NRCAM: variants seen among roughly 807,000 people sequenced by gnomAD.
The protein encoded by NRCAM is neuronal cell adhesion molecule.
A neutral mutation model predicts 156.5 loss-of-function variants in NRCAM; 83 were observed. That is an observed-to-expected ratio of 0.53 (90% CI 0.44 to 0.64). NRCAM has a LOEUF of 0.64. Among genes scored for constraint, NRCAM ranks in the 30% least tolerant of loss-of-function variants. The probability of loss-of-function intolerance (pLI) is 0.00; values close to 1 mark genes in which losing one functional copy is unlikely to be tolerated. For missense variants in NRCAM, 1,417 were observed against 1,597.3 expected, an observed-to-expected ratio of 0.89 and a Z score of 1.92; for synonymous variants, 538 against 563.9, an observed-to-expected ratio of 0.95 and a Z score of 0.65.
chr7:108,153,700 A>G (rs188620566), intron 32 of NRCAM, among the ~76,000 whole-genome samples: 15 of 152,308 alleles, frequency 9.8e-5, no homozygotes, highest in African/African-American at 3.6e-4. Flanking sequence ...AGAAGAATCT[A>G]CAGGTAAATG....
chr7:108,398,192 A>T (rs1012082550), intron 2 of NRCAM, among the ~76,000 whole-genome samples: 30 of 152,130 alleles, frequency 2.0e-4, no homozygotes, highest in African/African-American at 7.2e-4. Context: ...TCCTTTCCCA[A>T]GAATAAATCT....
rs557536046 is a variant in NRCAM, at chr7:108,217,947, T to C, written c.890+5778A>G. Among the ~76,000 whole-genome samples the C allele has an allele frequency of 2.6e-5, 4 of 152,212 alleles. No homozygotes were observed. The East Asian group carries it at 7.7e-4, about 29-fold the overall frequency. On this transcript the variant is annotated intron_variant, in intron 11 of 32. Coordinates refer to ENST00000379028, the MANE Select transcript of NRCAM (RefSeq NM_001037132.4). ...GTGAATGGTTCTGTCTCACTGGCGT[T>C]CCAGGCACCACTGGGGTATGAAAAA...
At chr7:108,270,973 C>T (rs751557457) in intron 3 of NRCAM, among the ~76,000 whole-genome samples, 1 of 152,150 alleles carries the variant, frequency 6.6e-6, no homozygotes, top group Admixed American at 6.5e-5. Context: ...AAGGTGAATA[C>T]ACTTAATGCT....
intron 30 of NRCAM, among the ~76,000 whole-genome samples, chr7:108,166,123 T>C (rs551888612): frequency 6.6e-6 from 1 of 152,372 alleles, no homozygotes; most frequent in African/African-American, 2.4e-5. Context: ...ATGTAGCATA[T>C]GAATTGTACA....
At chr7:108,174,604 C>A (rs1246224624) in intron 28 of NRCAM, among the ~76,000 whole-genome samples, 1 of 152,238 alleles carries the variant, frequency 6.6e-6, no homozygotes, top group Non-Finnish European at 1.5e-5. Context: ...CTTATTCAAG[C>A]ACCATTCTCC....
intron 2 of NRCAM, among the ~76,000 whole-genome samples, chr7:108,392,565 C>G (rs1389709126): frequency 6.6e-6 from 1 of 152,214 alleles, no homozygotes; most frequent in Non-Finnish European, 1.5e-5. Flanking sequence ...GCCCTCTTCT[C>G]TCAACTCGTC....
At chr7:108,244,620 T>A (rs2095782552) in intron 3 of NRCAM, among the ~76,000 whole-genome samples, 1 of 152,162 alleles carries the variant, frequency 6.6e-6, no homozygotes, top group African/African-American at 2.4e-5. Flanking sequence ...CAATCATTAA[T>A]GCACCTCAGA....
chr7:108,294,357 C>T (rs968104805), intron 3 of NRCAM, among the ~76,000 whole-genome samples: 1 of 152,052 alleles, frequency 6.6e-6, no homozygotes, highest in South Asian at 2.1e-4. Flanking sequence ...ATCACCTCTT[C>T]TTCCTTTATG....
intron 3 of NRCAM, among the ~76,000 whole-genome samples, chr7:108,299,504 C>T (rs2098546800): frequency 1.3e-5 from 2 of 152,144 alleles, no homozygotes; most frequent in African/African-American, 4.8e-5. Flanking sequence ...AATGTAATAG[C>T]AGGCAAGCAT....
In NRCAM at chr7:108,212,820, A is replaced by G. The variant is rs117150198; in HGVS notation, c.891-3215T>C. On this transcript the variant is annotated intron_variant, in intron 11 of 32. Transcript: ENST00000379028. ...AGAGAAATCTAAAAGTTTGGAAAACACATTTGGAGGAATAATCGAGGAAAA... is the reference window on the plus strand; with the variant it reads ...AGAGAAATCTAAAAGTTTGGAAAACGCATTTGGAGGAATAATCGAGGAAAA... 4.8e-3 allele frequency among the ~76,000 whole-genome samples: 728 copies of G among 152,322 alleles called. 8 individuals carry two copies. Among genetic ancestry groups the G allele is most frequent in the East Asian group, 0.034 (178 of 5,182 alleles).
intron 2 of NRCAM, among the ~76,000 whole-genome samples, chr7:108,363,662 G>A (rs1468270357): frequency 2.0e-5 from 3 of 152,154 alleles, no homozygotes; most frequent in Non-Finnish European, 4.4e-5. Flanking sequence ...TACTACCTCA[G>A]CCAGGTGATC....
Position 108,191,788 on chromosome 7 carries a change from G to A in NRCAM, c.1844C>T (p.Thr615Met), listed in dbSNP as rs112465984. 18 of 1,613,852 alleles carry A rather than the reference G, an allele frequency of 1.1e-5. No homozygotes were observed. Among genetic ancestry groups the A allele is most frequent in the African/African-American group, 8.0e-5 (6 of 74,920 alleles). Residue 615 changes from threonine to methionine, a missense_variant, in exon 18 of 33, where the codon ACG (threonine) becomes ATG (methionine). Physicochemically the swap from Thr to Met is moderately conservative, Grantham distance 81. Coordinates refer to ENST00000379028, the MANE Select transcript of NRCAM (RefSeq NM_001037132.4). ...DVSDDDSGTY[T>M]CVANTTLDSV... ...GTCCAGAGTGGTGTTGGCCACACAC[G>A]TGTAGGTCCCGCTGTCATCGTCACT... is the stretch of plus-strand genomic sequence containing the variant.
rs183866005 is a variant in NRCAM, at chr7:108,294,346, G to A, written c.-107+18319C>T. On this transcript the variant is annotated intron_variant, in intron 3 of 32. Transcript: ENST00000379028. ...AAGGGCTAACTGCTTCGAATCTGGG[G>A]ATCACCTCTTCTTCCTTTATGTTCC... Among the ~76,000 whole-genome samples the A allele has an allele frequency of 9.2e-5, 14 of 151,836 alleles. No homozygotes were observed. In the East Asian group the frequency reaches 1.9e-3, roughly 21 times the overall value.
chr7:108,221,299 A>C (rs1316598917), intron 11 of NRCAM, among the ~76,000 whole-genome samples: 2 of 152,226 alleles, frequency 1.3e-5, no homozygotes, highest in East Asian at 3.9e-4. Flanking sequence ...GAGATTCCTT[A>C]AAGTACCAAA....
In NRCAM at chr7:108,391,802, A is replaced by T. The variant is rs866403372; in HGVS notation, c.-174+7634T>A. 9.8e-5 allele frequency among the ~76,000 whole-genome samples: 15 copies of T among 152,294 alleles called. No individual in the cohort carries two copies. In the South Asian group the frequency reaches 2.9e-3, roughly 29 times the overall value. ...CAAAATCTCTCAGCATTTGCTTGTCAGTAAAGGATTTTATTTCTCCTTCAC... is the reference window on the plus strand; with the variant it reads ...CAAAATCTCTCAGCATTTGCTTGTCTGTAAAGGATTTTATTTCTCCTTCAC... On this transcript the variant is annotated intron_variant, in intron 2 of 32. Transcript: ENST00000379028.
Position 108,300,160 on chromosome 7 carries a change from C to CA in NRCAM, c.-107+12504_-107+12505insT, listed in dbSNP as rs1180044415. On this transcript the variant is annotated intron_variant, in intron 3 of 32. Coordinates refer to ENST00000379028, the MANE Select transcript of NRCAM (RefSeq NM_001037132.4). ...TAATCCTTCCCCAAATTTCTGTTGA[C>CA]TTTTTTTTTTTTTTTTTTTTTTTTT... is the stretch of plus-strand genomic sequence containing the variant. Among the ~76,000 whole-genome samples, 4 of 65,858 alleles carry CA rather than the reference C, an allele frequency of 6.1e-5. No individual in the cohort carries two copies. The East Asian group carries it at 1.8e-3, about 29-fold the overall frequency. The allele number at this position is 65,858 out of a possible 152,430, so 43.2% of individuals were successfully genotyped here.
intron 1 of NRCAM, among the ~76,000 whole-genome samples, chr7:108,423,066 G>A (rs567059303): frequency 5.3e-5 from 8 of 152,222 alleles, no homozygotes; most frequent in Non-Finnish European, 1.0e-4. Context: ...CTGGAGAGAA[G>A]GGAGGGGGAT....
chr7:108,255,638 T>TGAA, intron 3 of NRCAM, among the ~76,000 whole-genome samples: 1 of 148,750 alleles, frequency 6.7e-6, no homozygotes, highest in Non-Finnish European at 1.5e-5. Context: ...TCGTCTGGGA[T>TGAA]GTGAGGAGCG....
chr7:108,301,514 T>C (rs2098610877), intron 3 of NRCAM, among the ~76,000 whole-genome samples: 1 of 152,168 alleles, frequency 6.6e-6, no homozygotes, highest in African/African-American at 2.4e-5. Flanking sequence ...ACAGGCAGGG[T>C]GCCCCCATGA....
Sources: gnomAD v4.1 joint callset for allele counts (sites outside exome capture counted in the v4.1 genomes callset) on GRCh38, gnomAD v4.1.1 for gene constraint, MANE v1.5 for transcripts, NCBI Gene and HGNC (gene_info 2026-07-23, HGNC 2026-07-21) for gene names.